The following DNAH9 variants were observed in gnomAD, a reference collection of about 807,000 sequenced individuals.
DNAH9 encodes the protein dynein axonemal heavy chain 9.
A neutral mutation model predicts 471.6 loss-of-function variants in DNAH9; 345 were observed. That is an observed-to-expected ratio of 0.73 (90% CI 0.67 to 0.80). The LOEUF is 0.80. DNAH9 is among the 30% of genes least tolerant of loss of function. The probability of loss-of-function intolerance (pLI) is 0.00; values close to 1 mark genes in which losing one functional copy is unlikely to be tolerated. For missense variants in DNAH9, 5,407 were observed against 5,609.2 expected (o/e 0.96, Z 1.15); for synonymous variants, 2,093 against 2,123.6 (o/e 0.99, Z 0.40).
intron 28 of DNAH9, among the ~76,000 whole-genome samples, chr17:11,728,476 T>C (rs1022528467): frequency 6.7e-6 from 1 of 150,244 alleles, no homozygotes; most frequent in Non-Finnish European, 1.5e-5. Flanking sequence ...GTAAGTGTTA[T>C]GCAAAAGACA....
chr17:11,913,832 A>G (rs1376463940), intron 61 of DNAH9, among the ~76,000 whole-genome samples: 3 of 151,984 alleles, frequency 2.0e-5, no homozygotes, highest in Non-Finnish European at 2.9e-5. Flanking sequence ...TTCATATTCC[A>G]CAAGTTTTAG....
intron 59 of DNAH9, among the ~76,000 whole-genome samples, chr17:11,895,013 C>A (rs924420521): frequency 1.3e-5 from 2 of 152,164 alleles, no homozygotes; most frequent in African/African-American, 4.8e-5. Context: ...TCTCTGTCCA[C>A]CTGGGCAATA....
rs2072901607 is a variant in DNAH9, at chr17:11,623,008, T to C, written c.1350+3227T>C. 3.3e-5 allele frequency among the ~76,000 whole-genome samples: 5 copies of C among 150,490 alleles called. No homozygotes were observed. The South Asian group carries it at 6.4e-4, about 19-fold the overall frequency. Reference sequence around the variant, plus strand: ...TTTTTCTCGAGATGGAGTTTTGCTCTTGTTGCCCAGGCTGGAGTGCAGTGG... The same window carrying C: ...TTTTTCTCGAGATGGAGTTTTGCTCCTGTTGCCCAGGCTGGAGTGCAGTGG... On this transcript the variant is annotated intron_variant, in intron 6 of 68. Coordinates refer to ENST00000262442, the MANE Select transcript of DNAH9 (RefSeq NM_001372.4). This position sits in a 1 kb window ranked among gnomAD's most constrained non-coding sequence, Gnocchi z 4.1.
chr17:11,705,912 AAAG>A (rs562438157), intron 26 of DNAH9, among the ~76,000 whole-genome samples: 155 of 152,354 alleles, frequency 1.0e-3, no homozygotes, highest in African/African-American at 3.5e-3. Context: ...TACAAAACAC[AAAG>A]AAGTATTTCT....
intron 35 of DNAH9, among the ~76,000 whole-genome samples, chr17:11,758,477 G>C (rs988915535): frequency 1.3e-5 from 2 of 152,194 alleles, no homozygotes; most frequent in African/African-American, 4.8e-5. Flanking sequence ...TGAAGGCAAT[G>C]TGACTCAGAG....
At chr17:11,613,215 G>A (rs1049158418) in intron 4 of DNAH9, among the ~76,000 whole-genome samples, 6 of 152,242 alleles carry the variant, frequency 3.9e-5, no homozygotes, top group African/African-American at 4.8e-5. Flanking sequence ...CTGTGTTCCC[G>A]AGGAATCAGC....
chr17:11,630,849 G>C (rs1299192118), intron 7 of DNAH9, among the ~76,000 whole-genome samples: 1 of 152,126 alleles, frequency 6.6e-6, no homozygotes, highest in African/African-American at 2.4e-5. Flanking sequence ...GCTTGATTGT[G>C]GTGATCATTT....
intron 57 of DNAH9, among the ~76,000 whole-genome samples, chr17:11,889,579 T>A (rs770493771): frequency 5.3e-5 from 8 of 152,260 alleles, no homozygotes; most frequent in African/African-American, 4.8e-5. Flanking sequence ...GGCATTGAGT[T>A]TGATACCCTT....
At chr17:11,826,457 T>C (rs1452587214) in intron 48 of DNAH9, among the ~76,000 whole-genome samples, 2 of 16,908 alleles carry the variant, frequency 1.2e-4, no homozygotes, top group African/African-American at 6.3e-4. Flanking sequence ...TTTTCTTGGT[T>C]TTTTTTTTTT....
At chr17:11,628,898 A>G (rs2073016236) in intron 6 of DNAH9, among the ~76,000 whole-genome samples, 1 of 152,080 alleles carries the variant, frequency 6.6e-6, no homozygotes, top group African/African-American at 2.4e-5. Context: ...GGTTTAAGTG[A>G]ATTTTATTTG....
intron 57 of DNAH9, among the ~76,000 whole-genome samples, chr17:11,889,189 A>G (rs908240922): frequency 2.0e-5 from 3 of 152,336 alleles, no homozygotes; most frequent in Non-Finnish European, 4.4e-5. Flanking sequence ...TATTGTGTGC[A>G]TTCTGCAGAG....
chr17:11,948,545 T>C (rs572479148), intron 67 of DNAH9, among the ~76,000 whole-genome samples: 1 of 152,266 alleles, frequency 6.6e-6, no homozygotes, highest in African/African-American at 2.4e-5. Context: ...TGGCTCTTTA[T>C]TCTGATGCAC....
intron 45 of DNAH9, among the ~76,000 whole-genome samples, chr17:11,819,425 A>ATT (rs1257270006): frequency 2.0e-5 from 3 of 150,152 alleles, no homozygotes; most frequent in African/African-American, 7.3e-5. Context: ...CTGCCTCCTG[A>ATT]TTTTTTTTTT....
chr17:11,883,169 T>G, intron 55 of DNAH9: 1 of 990,828 alleles, frequency 1.0e-6, no homozygotes, highest in Non-Finnish European at 1.2e-6. Flanking sequence ...TGATTTTTTT[T>G]TAAGTAAGCC....
rs1307974491 is a variant in DNAH9 at position 11,821,861 on chromosome 17, CTGAT to C, written c.8708-56_8708-53del. ...CCTAAGGTAGGATAACTTCCCATGTCTGATTGCATCATTTAACGAGATGCCAAGG... is the reference window on the plus strand; with the variant it reads ...CCTAAGGTAGGATAACTTCCCATGTCTGCATCATTTAACGAGATGCCAAGG... On this transcript the variant is annotated intron_variant, in intron 45 of 68. Transcript: ENST00000262442. The C allele has an allele frequency of 3.2e-6, 5 of 1,561,704 alleles. No individual in the cohort carries two copies. In the African/African-American group the frequency reaches 5.5e-5, roughly 17 times the overall value.
Position 11,640,317 on chromosome 17 carries a change from C to T in DNAH9, c.1834C>T (p.Arg612Cys), listed in dbSNP as rs147416136. 6.8e-6 allele frequency: 11 copies of T among 1,613,944 alleles called. No individual in the cohort carries two copies. Among genetic ancestry groups the T allele is most frequent in the Admixed American group, 5.0e-5 (3 of 60,000 alleles). Reference sequence around the variant, plus strand: ...CATGCCCACCGTGGCTGGCGGCCTCCGCTGGGCACAGGAGCTGAGGCAGCG... The same window carrying T: ...CATGCCCACCGTGGCTGGCGGCCTCTGCTGGGCACAGGAGCTGAGGCAGCG... ...KNMPTVAGGLRWAQELRQRIQ... is the reference protein window; with the variant it reads ...KNMPTVAGGLCWAQELRQRIQ... The change falls in exon 10 of 69, where the codon CGC becomes TGC. Residue 612 changes from arginine (R) to cysteine (C), a missense_variant. Physicochemically the swap from Arg to Cys is radical, Grantham distance 180. This residue lies in a region of DNAH9 where 4,636 missense variants were observed against 4,900.3 expected (regional missense o/e 0.95). Transcript: ENST00000262442.
At chr17:11,644,041 G>A (rs1183096385) in intron 10 of DNAH9, among the ~76,000 whole-genome samples, 2 of 152,188 alleles carry the variant, frequency 1.3e-5, no homozygotes, top group Non-Finnish European at 1.5e-5. Flanking sequence ...GAGTGAATGC[G>A]AAGGCCTAGG....
intron 30 of DNAH9, among the ~76,000 whole-genome samples, chr17:11,743,100 C>A (rs1302771548): frequency 6.6e-6 from 1 of 152,250 alleles, no homozygotes; most frequent in South Asian, 2.1e-4. Flanking sequence ...TTAAAAAGCT[C>A]CTCCAGCTCA....
At chr17:11,693,756 C>A in intron 20 of DNAH9, 112 bp from the exon 21 acceptor site, 1 of 1,115,042 alleles carries the variant, frequency 9.0e-7, no homozygotes, top group Non-Finnish European at 1.4e-6. Flanking sequence ...TGAGTCTATT[C>A]TCTGTATTTG....
Sources: allele counts gnomAD v4.1 joint callset (sites outside exome capture counted in the v4.1 genomes callset), GRCh38; gene constraint gnomAD v4.1.1; regional missense constraint gnomAD v4.1.1; non-coding constraint Gnocchi (gnomAD v3.1); transcripts MANE v1.5; gene names NCBI Gene and HGNC (gene_info 2026-07-23, HGNC 2026-07-21).